The following NTRK2 variants were observed in gnomAD, a reference collection of about 807,000 sequenced individuals.
NTRK2 encodes the protein BDNF/NT-3 growth factors receptor.
Under a neutral mutation model 94.5 loss-of-function variants are expected in NTRK2, and 13 were observed. The ratio of observed to expected loss-of-function variants is 0.14; its 90% confidence interval spans 0.09 to 0.22. The LOEUF (loss-of-function observed/expected upper bound fraction) is 0.22. Among genes scored for constraint, NTRK2 ranks in the 10% least tolerant of loss-of-function variants. NTRK2 has a pLI of 1.00. For missense variants in NTRK2, 639 were observed against 1,071.2 expected (o/e 0.60, Z 5.63); for synonymous variants, 372 against 407.4 (o/e 0.91, Z 1.05).
At position 84,838,455 on chromosome 9, in the gene NTRK2, A is replaced by G. The variant is rs144519389; in HGVS notation, c.1397-22585A>G. Among the ~76,000 whole-genome samples the G allele has an allele frequency of 4.2e-3, 612 of 144,286 alleles. 9 individuals are homozygous for G. Among genetic ancestry groups the G allele is most frequent in the East Asian group, 2.1e-3 (10 of 4,786 alleles). 94.7% of individuals were successfully genotyped at this position (144,286 alleles called of 152,430 possible). On this transcript the variant is annotated intron_variant, in intron 12 of 18. Transcript: ENST00000277120. ...AAATGTACAATATTACACTATTTTC[A>G]GTGTATATTGTATATGCATTATGAT...
At chr9:84,983,504 G>T (rs1280890743) in intron 17 of NTRK2, among the ~76,000 whole-genome samples, 2 of 152,124 alleles carry the variant, frequency 1.3e-5, no homozygotes, top group Non-Finnish European at 2.9e-5. Context: ...TGGAAACTAA[G>T]GTTGATTAAA....
intron 14 of NTRK2, among the ~76,000 whole-genome samples, chr9:84,891,971 G>A (rs1357852934): frequency 1.3e-5 from 2 of 152,036 alleles, no homozygotes; most frequent in Non-Finnish European, 2.9e-5. Context: ...TATCAAGATG[G>A]ATATAGGCTA....
chr9:84,907,688 CTTTT>C (rs199660493), intron 14 of NTRK2, among the ~76,000 whole-genome samples: 1 of 133,872 alleles, frequency 7.5e-6, no homozygotes. Flanking sequence ...TACTCTTCTT[CTTTT>C]TTTTTTTTTT....
chr9:84,762,598 G>A (rs1435633993), intron 12 of NTRK2, among the ~76,000 whole-genome samples: 3 of 152,204 alleles, frequency 2.0e-5, no homozygotes, highest in Non-Finnish European at 4.4e-5. Context: ...TGTCATGGCA[G>A]AGGGTGGATT....
chr9:84,891,882 G>A (rs2076605240), intron 14 of NTRK2, among the ~76,000 whole-genome samples: 1 of 151,916 alleles, frequency 6.6e-6, no homozygotes, highest in Admixed American at 6.5e-5. Context: ...AATATAGTCT[G>A]CTTAATAAAA....
intron 15 of NTRK2, among the ~76,000 whole-genome samples, chr9:84,941,821 G>A (rs1564485795): frequency 2.0e-5 from 3 of 152,146 alleles, no homozygotes; most frequent in Non-Finnish European, 2.9e-5. Flanking sequence ...TTTCTAATAT[G>A]CAACTTGATA....
intron 14 of NTRK2, among the ~76,000 whole-genome samples, chr9:84,885,115 A>C (rs181752098): frequency 6.6e-6 from 1 of 152,342 alleles, no homozygotes; most frequent in African/African-American, 2.4e-5. Context: ...CTCCAGGTCT[A>C]ATTAATACTT....
chr9:84,787,084 G>A (rs1158478992), intron 12 of NTRK2, among the ~76,000 whole-genome samples: 1 of 151,980 alleles, frequency 6.6e-6, no homozygotes, highest in Non-Finnish European at 1.5e-5. Flanking sequence ...GATCACCAGA[G>A]GTCAGGAGTT....
chr9:84,819,534 G>A (rs769254202), intron 12 of NTRK2, among the ~76,000 whole-genome samples: 29 of 152,264 alleles, frequency 1.9e-4, no homozygotes, highest in Admixed American at 6.5e-4. Flanking sequence ...TCTCCATCAC[G>A]CTTCACTCAA....
At chr9:84,863,997 T>A (rs1396115813) in intron 13 of NTRK2, among the ~76,000 whole-genome samples, 1 of 152,168 alleles carries the variant, frequency 6.6e-6, no homozygotes, top group Non-Finnish European at 1.5e-5. Flanking sequence ...GGAAAGGGTA[T>A]CCCTTAGTGA....
intron 14 of NTRK2, among the ~76,000 whole-genome samples, chr9:84,869,053 G>C (rs1016999686): frequency 1.3e-5 from 2 of 152,172 alleles, no homozygotes; most frequent in Non-Finnish European, 2.9e-5. Context: ...GAACAAACGA[G>C]CAAGAGAGCA....
At chr9:84,779,386 G>A (rs562700522) in intron 12 of NTRK2, among the ~76,000 whole-genome samples, 2 of 152,340 alleles carry the variant, frequency 1.3e-5, no homozygotes, top group South Asian at 4.1e-4. Flanking sequence ...TTGCTGTTGA[G>A]GCTAAGGCCA....
chr9:84,783,444 C>G (rs2067808143), intron 12 of NTRK2, among the ~76,000 whole-genome samples: 1 of 152,178 alleles, frequency 6.6e-6, no homozygotes, highest in South Asian at 2.1e-4. Flanking sequence ...TATCTACTGT[C>G]AGGGATTTCA....
At chr9:84,930,036 T>C (rs1055723847) in intron 14 of NTRK2, among the ~76,000 whole-genome samples, 4 of 152,228 alleles carry the variant, frequency 2.6e-5, no homozygotes, top group African/African-American at 9.6e-5. Flanking sequence ...TCACTCAGGA[T>C]ATTTTGTGTA....
intron 8 of NTRK2, among the ~76,000 whole-genome samples, chr9:84,726,500 C>A (rs2062470251): frequency 6.6e-6 from 1 of 151,432 alleles, no homozygotes; most frequent in Non-Finnish European, 1.5e-5. Context: ...AAACAAAAAA[C>A]AAACTAAAAA....
intron 13 of NTRK2, among the ~76,000 whole-genome samples, chr9:84,862,261 C>T (rs2075371532): frequency 6.6e-6 from 1 of 152,136 alleles, no homozygotes; most frequent in Non-Finnish European, 1.5e-5. Context: ...GTCACTTTGC[C>T]AAGATATCAG....
chr9:84,685,247 A>G (rs766250118), intron 2 of NTRK2, among the ~76,000 whole-genome samples: 1 of 151,980 alleles, frequency 6.6e-6, no homozygotes. Flanking sequence ...TAAAATAGCA[A>G]TTTGGTTCTG....
intron 12 of NTRK2, among the ~76,000 whole-genome samples, chr9:84,820,887 C>G (rs570873220): frequency 5.3e-5 from 8 of 152,278 alleles, no homozygotes; most frequent in Admixed American, 5.2e-4. Context: ...AGTTAAATGA[C>G]TTTTCCAAGG....
At chr9:84,691,267 AT>A (rs1298646156) in intron 2 of NTRK2, among the ~76,000 whole-genome samples, 1 of 152,200 alleles carries the variant, frequency 6.6e-6, no homozygotes, top group Non-Finnish European at 1.5e-5. Flanking sequence ...AGTAGCTTTC[AT>A]TTTCTTCTTC....
Sources: allele counts gnomAD v4.1 joint callset (sites outside exome capture counted in the v4.1 genomes callset), GRCh38; gene constraint gnomAD v4.1.1; transcripts MANE v1.5; gene names NCBI Gene and HGNC (gene_info 2026-07-23, HGNC 2026-07-21).